FHOD3: variants seen among roughly 807,000 people sequenced by gnomAD.
FHOD3 encodes formin homology 2 domain containing 3, also known as FH1/FH2 domain-containing protein 3.
A neutral mutation model predicts 173.0 loss-of-function variants in FHOD3; 90 were observed. The ratio of observed to expected loss-of-function variants is 0.52; its 90% confidence interval spans 0.44 to 0.62. FHOD3 has a LOEUF of 0.62. FHOD3 is among the 20% of genes least tolerant of loss of function. FHOD3 has a pLI of 0.00. For synonymous variants in FHOD3, 828 were observed against 823.0 expected (o/e 1.01, Z -0.10); for missense variants, 1,945 against 2,034.7 (o/e 0.96, Z 0.85).
chr18:36,758,783 T>G (rs1204042154), intron 25 of FHOD3, among the ~76,000 whole-genome samples: 2 of 152,196 alleles, frequency 1.3e-5, no homozygotes, highest in Admixed American at 1.3e-4. Flanking sequence ...CAGGACACTC[T>G]CAGCACGATG....
chr18:36,591,933 A>T (rs2059231357), intron 6 of FHOD3, among the ~76,000 whole-genome samples: 1 of 152,216 alleles, frequency 6.6e-6, no homozygotes, highest in South Asian at 2.1e-4. Context: ...AAATGAAACA[A>T]GGTGGCTGGG....
chr18:36,639,199 C>T (rs553355309), intron 10 of FHOD3, among the ~76,000 whole-genome samples: 6 of 152,256 alleles, frequency 3.9e-5, no homozygotes, highest in Non-Finnish European at 7.4e-5. Flanking sequence ...TATCTTCATC[C>T]TAATTTCTCT....
Position 36,543,009 on chromosome 18 carries a change from G to A in FHOD3, c.511+30466G>A, listed in dbSNP as rs995018163. On this transcript the variant is annotated intron_variant, in intron 5 of 28. Transcript: ENST00000590592. ...ATTTAAGTTAGTAAATGTAAGGAAA[G>A]CAGGTTGCCTTCCATTATGTGGGTG... Among the ~76,000 whole-genome samples the A allele has an allele frequency of 3.3e-5, 5 of 152,320 alleles. No individual in the cohort carries two copies. In the South Asian group the frequency reaches 1.0e-3, roughly 32 times the overall value.
intron 19 of FHOD3, among the ~76,000 whole-genome samples, chr18:36,720,664 A>T (rs1470157590): frequency 1.3e-5 from 2 of 151,534 alleles, no homozygotes; most frequent in Non-Finnish European, 1.5e-5. Flanking sequence ...CAACCTACTG[A>T]CCTAATTGGA....
In FHOD3 at chr18:36,718,097, T is replaced by A. The variant is rs1411514578; in HGVS notation, c.2799T>A (p.Asn933Lys). ...VRRVDVGCLD[N>K]RGSVKAFAEK... ...GGGTGGATGTCGGCTGTTTGGACAA[T>A]CGGGGCAGTGTGAAAGCATTTGCTG... The change falls in exon 19 of 29, where the codon AAT (asparagine) becomes AAA (lysine). Residue 933 changes from asparagine to lysine, a missense_variant. By Grantham distance (94) the Asn-to-Lys change is moderately conservative. This residue lies in a region of FHOD3 where 1,099 missense variants were observed against 1,051.2 expected (regional missense o/e 1.05). Transcript: ENST00000590592. The A allele has an allele frequency of 1.9e-6, 3 of 1,599,520 alleles. No homozygotes were observed. The highest frequency in any genetic ancestry group is 2.6e-6 in the Non-Finnish European group (3 of 1,172,288).
intron 3 of FHOD3, among the ~76,000 whole-genome samples, chr18:36,471,336 A>G (rs1037359005): frequency 6.6e-6 from 1 of 152,152 alleles, no homozygotes. Context: ...GCCAGCTTGC[A>G]TCCTGCTTTA....
chr18:36,374,418 G>A (rs1203235494), intron 3 of FHOD3, among the ~76,000 whole-genome samples: 2 of 152,096 alleles, frequency 1.3e-5, no homozygotes, highest in African/African-American at 4.8e-5. Context: ...AATTGCACTG[G>A]TTATCAGAAT....
intron 1 of FHOD3, among the ~76,000 whole-genome samples, chr18:36,318,087 C>CTGTTTTGTTA (rs1482114283): frequency 3.3e-5 from 5 of 152,226 alleles, no homozygotes; most frequent in South Asian, 2.1e-4. Flanking sequence ...GTCTATGTAT[C>CTGTTTTGTTA]TGTTTTGTTA....
chr18:36,681,436 G>A lies in FHOD3; in HGVS notation c.1836G>A (p.Arg612=). Residue 612 remains arginine (R), a splice_region_variant and synonymous_variant, in exon 15 of 29, where the codon AGG becomes AGA. Transcript: ENST00000590592. ...AAACATTAACTCATTGTATCTCCAG[G>A]TCATCACCGAGTGGTCTTCTCACAT... is the stretch of plus-strand genomic sequence containing the variant. The part of the protein sequence containing the change: ...VSPPQEARLE[R]SSPSGLLTSS... The A allele has an allele frequency of 6.2e-7, 1 of 1,613,666 alleles. No homozygotes were observed. Among genetic ancestry groups the A allele is most frequent in the Non-Finnish European group, 8.5e-7 (1 of 1,179,768 alleles).
At chr18:36,380,709 G>A (rs958466157) in intron 3 of FHOD3, among the ~76,000 whole-genome samples, 3 of 148,140 alleles carry the variant, frequency 2.0e-5, no homozygotes, top group Non-Finnish European at 4.4e-5. Flanking sequence ...TTTAGATAAT[G>A]TATTTACGAG....
intron 3 of FHOD3, among the ~76,000 whole-genome samples, chr18:36,432,253 C>T (rs2050587304): frequency 6.6e-6 from 1 of 152,106 alleles, no homozygotes; most frequent in Non-Finnish European, 1.5e-5. Flanking sequence ...TACAAAGAGT[C>T]CACAGAATGC....
At position 36,730,881 on chromosome 18, in the gene FHOD3, A is replaced by G. The variant is rs2041322600; in HGVS notation, c.3576+77A>G. 10 of 1,446,282 alleles carry G rather than the reference A, an allele frequency of 6.9e-6. No individual in the cohort carries two copies. In the East Asian group the frequency reaches 2.3e-4, roughly 33 times the overall value. The allele number at this position is 1,446,282 out of a possible 1,614,324, so 89.6% of individuals were successfully genotyped here. A position where few individuals can be genotyped will look rare whatever the true frequency, so the allele number is the denominator to read the frequency against. ...ATAATATGCTGCATGTCCACATTTC[A>G]AAAGATCCATGGTGCCTTTCTGTCT... On this transcript the variant is annotated intron_variant, in intron 20 of 28. Coordinates refer to ENST00000590592, the MANE Select transcript of FHOD3 (RefSeq NM_001281740.3).
intron 3 of FHOD3, among the ~76,000 whole-genome samples, chr18:36,495,041 C>T (rs2054668296): frequency 6.6e-6 from 1 of 152,062 alleles, no homozygotes; most frequent in African/African-American, 2.4e-5. Flanking sequence ...CTCCTGGGTT[C>T]AAGCAGTCCT....
In FHOD3 at chr18:36,730,833, G is replaced by A. The variant is rs763215707; in HGVS notation, c.3576+29G>A. 3.7e-6 allele frequency: 6 copies of A among 1,607,664 alleles called. No homozygotes were observed. The South Asian group carries it at 6.7e-5, about 18-fold the overall frequency. ...AGGGAAGCTCTATTAAGCATTATTT[G>A]TATTTTATCTTATACTGCATGTATA... On this transcript the variant is annotated intron_variant, in intron 20 of 28. Transcript: ENST00000590592.
At chr18:36,626,064 A>G (rs923071371) in intron 10 of FHOD3, among the ~76,000 whole-genome samples, 6 of 152,174 alleles carry the variant, frequency 3.9e-5, no homozygotes, top group Non-Finnish European at 7.3e-5. Context: ...AATGGAAAAG[A>G]CTTCAAAACA....
At chr18:36,685,595 A>C (rs1226904650) in intron 15 of FHOD3, among the ~76,000 whole-genome samples, 2 of 152,176 alleles carry the variant, frequency 1.3e-5, no homozygotes, top group African/African-American at 4.8e-5. Flanking sequence ...GAAAGTGATG[A>C]GGTTGGATGT....
At chr18:36,430,082 C>A (rs2050451157) in intron 3 of FHOD3, among the ~76,000 whole-genome samples, 1 of 152,186 alleles carries the variant, frequency 6.6e-6, no homozygotes, top group South Asian at 2.1e-4. Flanking sequence ...TCTCTTCTTG[C>A]AGTTGAAGGG....
chr18:36,621,675 A>G (rs755923036), intron 9 of FHOD3, among the ~76,000 whole-genome samples: 3 of 152,244 alleles, frequency 2.0e-5, no homozygotes, highest in Non-Finnish European at 2.9e-5. Flanking sequence ...TGGCCAAAGC[A>G]AGCCACATTG....
chr18:36,319,017 G>A (rs2044266767), intron 1 of FHOD3, among the ~76,000 whole-genome samples: 1 of 152,126 alleles, frequency 6.6e-6, no homozygotes, highest in Admixed American at 6.6e-5. Context: ...TTATGTGATG[G>A]ATTACATTTA....
Sources: allele counts gnomAD v4.1 joint callset (sites outside exome capture counted in the v4.1 genomes callset), GRCh38; gene constraint gnomAD v4.1.1; regional missense constraint gnomAD v4.1.1; transcripts MANE v1.5; gene names NCBI Gene and HGNC (gene_info 2026-07-23, HGNC 2026-07-21).